The following MEF2A variants were observed in gnomAD, a reference collection of about 807,000 sequenced individuals.
The protein encoded by MEF2A is myocyte-specific enhancer factor 2A.
A neutral mutation model predicts 55.8 loss-of-function variants in MEF2A; 28 were observed. The observed-to-expected ratio is 0.50, with a 90% CI of 0.37 to 0.69. The LOEUF is 0.69. Among genes scored for constraint, MEF2A ranks in the 30% least tolerant of loss-of-function variants. MEF2A has a pLI of 0.00. For synonymous variants in MEF2A, 239 were observed against 227.1 expected (o/e 1.05, Z -0.47); for missense variants, 528 against 626.2 (o/e 0.84, Z 1.67).
intron 4 of MEF2A, among the ~76,000 whole-genome samples, chr15:99,665,416 C>T (rs979758787): frequency 1.3e-5 from 2 of 152,096 alleles, no homozygotes; most frequent in Admixed American, 6.6e-5. Context: ...CCCTTCCTTA[C>T]ACCTTATACA....
intron 2 of MEF2A, among the ~76,000 whole-genome samples, chr15:99,601,750 G>A (rs1973071910): frequency 6.6e-6 from 1 of 151,020 alleles, no homozygotes; most frequent in African/African-American, 2.4e-5. Context: ...AAATTGCGTT[G>A]ACTCTTTTAA....
intron 2 of MEF2A, among the ~76,000 whole-genome samples, chr15:99,619,560 A>G (rs1184800697): frequency 6.6e-6 from 1 of 152,196 alleles, no homozygotes; most frequent in East Asian, 1.9e-4. Flanking sequence ...AGGGCCCTAG[A>G]AAACCTTTCT....
chr15:99,579,488 A>G (rs1476546660), intron 1 of MEF2A, among the ~76,000 whole-genome samples: 1 of 151,924 alleles, frequency 6.6e-6, no homozygotes, highest in East Asian at 1.9e-4. Flanking sequence ...TCTGCCTCCC[A>G]GTTTCAAGCG....
intron 2 of MEF2A, among the ~76,000 whole-genome samples, chr15:99,624,515 A>G (rs938903809): frequency 7.9e-5 from 12 of 152,150 alleles, no homozygotes; most frequent in Admixed American, 3.9e-4. Context: ...CGGGTTCTCT[A>G]TTCTATTCCA....
chr15:99,645,710 G>A lies in MEF2A; in HGVS notation c.204G>A (p.Lys68=), dbSNP rs2045853088. ...CTGATATGGACAAAGTTCTTCTCAA[G>A]TATACAGAATATAATGAACCTCATG... ...ASTDMDKVLL[K]YTEYNEPHES... is the part of the protein sequence containing the mutation. The change falls in exon 4 of 12, where the codon AAG becomes AAA. Residue 68 remains lysine (K), a synonymous_variant. Transcript: ENST00000557942. 22 of 1,613,200 alleles carry A rather than the reference G, an allele frequency of 1.4e-5. No individual in the cohort carries two copies. The highest frequency in any genetic ancestry group is 1.8e-5 in the Non-Finnish European group (21 of 1,179,514).
chr15:99,700,705 G>A (rs4965536), intron 8 of MEF2A, among the ~76,000 whole-genome samples: 61,428 of 151,952 alleles, frequency 0.4, 13,993 homozygotes, highest in Middle Eastern at 0.62. Flanking sequence ...ATGGTTTGTT[G>A]TAGAGCTGGG....
chr15:99,621,496 T>C (rs905382641), intron 2 of MEF2A, among the ~76,000 whole-genome samples: 1 of 152,236 alleles, frequency 6.6e-6, no homozygotes, highest in Non-Finnish European at 1.5e-5. Flanking sequence ...ACTTTATATC[T>C]ACAGGATGAT....
chr15:99,620,480 G>T (rs2040955990), intron 2 of MEF2A, among the ~76,000 whole-genome samples: 1 of 152,142 alleles, frequency 6.6e-6, no homozygotes, highest in African/African-American at 2.4e-5. Context: ...TAGAATGATG[G>T]CCTCCAGCTG....
At chr15:99,702,221 A>G (rs890871355) in intron 8 of MEF2A, among the ~76,000 whole-genome samples, 6 of 152,122 alleles carry the variant, frequency 3.9e-5, no homozygotes, top group African/African-American at 1.4e-4. Context: ...AGAGTAAGTA[A>G]TCGGTCCCAC....
At chr15:99,657,448 A>C (rs1436094330) in intron 4 of MEF2A, 1 of 152,120 alleles carries the variant, frequency 6.6e-6, no homozygotes, top group Non-Finnish European at 1.5e-5. Flanking sequence ...AAGACATCTA[A>C]AAACTAGATA....
intron 4 of MEF2A, among the ~76,000 whole-genome samples, chr15:99,648,222 A>G (rs2046295642): frequency 6.6e-6 from 1 of 152,164 alleles, no homozygotes; most frequent in African/African-American, 2.4e-5. Context: ...AGGCAGTTGT[A>G]TTGATGGGAA....
At position 99,706,808 on chromosome 15, in the gene MEF2A, C is replaced by T. The variant is rs753119776; in HGVS notation, c.962C>T (p.Pro321Leu). The T allele has an allele frequency of 1.2e-5, 20 of 1,613,932 alleles. No homozygotes were observed. Among genetic ancestry groups the T allele is most frequent in the African/African-American group, 2.7e-5 (2 of 74,926 alleles). Residue 321 changes from proline (P) to leucine (L), a missense_variant, in exon 10 of 12, where the codon CCT becomes CTT. By Grantham distance (98) the Pro-to-Leu change is moderately conservative. Around this residue, in one of 2 missense-constraint regions of MEF2A, gnomAD observed 450 missense variants for 475.3 expected, o/e 0.95. Coordinates refer to ENST00000557942, the MANE Select transcript of MEF2A (RefSeq NM_001319206.4). ...PVVSVTTPSL[P>L]PQGLVYSAMP... ...GTGTCTGTGACAACCCCAAGCTTGC[C>T]TCCGCAAGGACTTGTGTACTCAGCA...
rs1044374641 is a variant in MEF2A, at chr15:99,658,543, T to C, written c.258+12779T>C. The stretch of plus-strand genomic sequence containing the variant: ...GAGATAATGACACAATTTTCTAGGA[T>C]TGATGAAAGCCCACCATCCTTAGAT... On this transcript the variant is annotated intron_variant, in intron 4 of 11. Transcript: ENST00000557942. Among the ~76,000 whole-genome samples the C allele has an allele frequency of 4.6e-5, 7 of 152,042 alleles. No individual in the cohort carries two copies. In the East Asian group the frequency reaches 9.6e-4, roughly 21 times the overall value.
chr15:99,691,117 T>TTTTG (rs2055358501), intron 8 of MEF2A, among the ~76,000 whole-genome samples: 1 of 148,140 alleles, frequency 6.8e-6, no homozygotes, highest in African/African-American at 2.5e-5. Flanking sequence ...TTTTTTTTTT[T>TTTTG]GAGTCGTTTT....
At chr15:99,683,704 C>T (rs1268659406) in intron 7 of MEF2A, among the ~76,000 whole-genome samples, 1 of 98,310 alleles carries the variant, frequency 1.0e-5, no homozygotes. Flanking sequence ...ATGCCTGGGC[C>T]TTTTATTAAA....
At chr15:99,615,063 G>A (rs2039972205) in intron 2 of MEF2A, among the ~76,000 whole-genome samples, 4 of 152,332 alleles carry the variant, frequency 2.6e-5, no homozygotes, top group Middle Eastern at 6.8e-3. Context: ...GGAAATAAAA[G>A]TGCCTGCTGA....
At chr15:99,644,721 G>A (rs1292996650) in intron 3 of MEF2A, among the ~76,000 whole-genome samples, 1 of 152,206 alleles carries the variant, frequency 6.6e-6, no homozygotes, top group Non-Finnish European at 1.5e-5. Flanking sequence ...TTTTAGAGAA[G>A]TTTTAGGTTC....
intron 2 of MEF2A, among the ~76,000 whole-genome samples, chr15:99,619,653 T>C (rs2040804832): frequency 1.3e-5 from 2 of 152,236 alleles, no homozygotes; most frequent in Non-Finnish European, 2.9e-5. Flanking sequence ...TTCTATACCA[T>C]GATTGAAAAT....
rs767358305 is a variant in MEF2A, at chr15:99,712,762, G to C, written c.1509G>C (p.Trp503Cys). 1 of 1,555,826 alleles carries C rather than the reference G, an allele frequency of 6.4e-7. No homozygotes were observed. Among genetic ancestry groups the C allele is most frequent in the Non-Finnish European group, 8.7e-7 (1 of 1,149,294 alleles). Residue 503 changes from tryptophan (W) to cysteine (C), a missense_variant, in exon 12 of 12, where the codon TGG becomes TGC. Transcript: ENST00000557942. The surrounding 1 kb of genome is among the most constrained non-coding windows in gnomAD (Gnocchi z 4.1). The part of the protein sequence containing the change: ...PSVKRMRMDA[W>C]VT The stretch of plus-strand genomic sequence containing the variant: ...TAAAGCGAATGAGGATGGACGCGTG[G>C]GTGACCTAAGGCTTCCAAGCTGATG...
Sources: allele counts gnomAD v4.1 joint callset (sites outside exome capture counted in the v4.1 genomes callset), GRCh38; gene constraint gnomAD v4.1.1; regional missense constraint gnomAD v4.1.1; non-coding constraint Gnocchi (gnomAD v3.1); transcripts MANE v1.5; gene names NCBI Gene and HGNC (gene_info 2026-07-23, HGNC 2026-07-21).